Variants in RNF175 observed in about 807,000 individuals in gnomAD.
RNF175 encodes the protein ring finger protein 175.
In RNF175, 38 loss-of-function variants were observed where a neutral mutation model predicts 50.0. The ratio of observed to expected loss-of-function variants is 0.76; its 90% CI spans 0.59 to 1.00. RNF175 has a LOEUF of 1.00. Ranked by LOEUF, RNF175 falls within the 50% of genes least tolerant of loss-of-function variation. The probability of loss-of-function intolerance (pLI) is 0.00; values close to 1 mark genes in which losing one functional copy is unlikely to be tolerated. For missense variants in RNF175, 388 were observed against 409.6 expected (o/e 0.95, Z 0.46); for synonymous variants, 155 against 146.1 (o/e 1.06, Z -0.44).
At chr4:153,714,608 A>G (rs1210859016) in intron 7 of RNF175, 1 of 152,246 alleles carries the variant, frequency 6.6e-6, no homozygotes, top group Non-Finnish European at 1.5e-5. Flanking sequence ...TAAAATAAAG[A>G]TAAATGATAC....
In RNF175 at chr4:153,715,677, G is replaced by A; in HGVS notation, c.631-15C>T. 1 of 1,611,558 alleles carries A rather than the reference G, an allele frequency of 6.2e-7. No homozygotes were observed. Among genetic ancestry groups the A allele is most frequent in the Non-Finnish European group, 8.5e-7 (1 of 1,178,538 alleles). On this transcript the variant is annotated splice_polypyrimidine_tract_variant and intron_variant, in intron 6 of 8. Coordinates refer to ENST00000347063, the MANE Select transcript of RNF175 (RefSeq NM_173662.4). ...ACACTGTAGAACTATCAGAGGAAAT[G>A]GACAGAGCACAGTCAGAAAGGAGAG... is the stretch of plus-strand genomic sequence containing the variant.
chr4:153,720,091 C>A, intron 6 of RNF175, 93 bp downstream of exon 6: 2 of 1,359,670 alleles, frequency 1.5e-6, no homozygotes, highest in Non-Finnish European at 2.1e-6. Flanking sequence ...TGGAGAAAGA[C>A]TTATTTGTTT....
chr4:153,754,420 C>T (rs1740462763), intron 1 of RNF175, among the ~76,000 whole-genome samples: 1 of 152,092 alleles, frequency 6.6e-6, no homozygotes, highest in African/African-American at 2.4e-5. Flanking sequence ...CTTGGAACTG[C>T]TTGGAAATCC....
chr4:153,727,945 T>C (rs1738800564), intron 4 of RNF175, among the ~76,000 whole-genome samples: 2 of 152,218 alleles, frequency 1.3e-5, no homozygotes, highest in South Asian at 4.1e-4. Flanking sequence ...TTTTAAACAA[T>C]AGTTTCACTT....
intron 3 of RNF175, among the ~76,000 whole-genome samples, chr4:153,741,889 TAAAA>T (rs988473313): frequency 6.6e-6 from 1 of 152,160 alleles, no homozygotes; most frequent in African/African-American, 2.4e-5. Context: ...TTTTTGCTAT[TAAAA>T]GTAATGGGAA....
rs545711638 is a variant in RNF175 at position 153,741,310 on chromosome 4, C to T, written c.246+7335G>A. ...TATGGAGAACATTCTGGATCTGCTTCAGAGTGGTCACTTTTCCCCTCCCCT... is the reference window on the plus strand; with the variant it reads ...TATGGAGAACATTCTGGATCTGCTTTAGAGTGGTCACTTTTCCCCTCCCCT... On this transcript the variant is annotated intron_variant, in intron 3 of 8. Transcript: ENST00000347063. Among the ~76,000 whole-genome samples, 36 of 152,312 alleles carry T rather than the reference C, an allele frequency of 2.4e-4. No homozygotes were observed. The East Asian group carries it at 7.0e-3, about 29-fold the overall frequency.
At chr4:153,756,330 ACTCT>A (rs955608562) in intron 1 of RNF175, among the ~76,000 whole-genome samples, 21 of 151,606 alleles carry the variant, frequency 1.4e-4, no homozygotes, top group Non-Finnish European at 2.7e-4. Flanking sequence ...CCCACTTGGG[ACTCT>A]CTCTCTCAGA....
Position 153,712,587 on chromosome 4 carries a change from TTG to T in RNF175, c.765-13_765-12del. 1 of 1,570,312 alleles carries T rather than the reference TTG, an allele frequency of 6.4e-7. No individual in the cohort carries two copies. The highest frequency in any genetic ancestry group is 8.8e-7 in the Non-Finnish European group (1 of 1,141,432). On this transcript the variant is annotated splice_polypyrimidine_tract_variant and intron_variant, in intron 7 of 8. Transcript: ENST00000347063. ...CAGAATTCATGAAAGCTGAAGCATC[TTG>T]TTAGGGAGGCTTCTAGATATGAAAA...
intron 6 of RNF175, among the ~76,000 whole-genome samples, chr4:153,716,063 C>CAAAAAAAAAAAAAA (rs35531787): frequency 1.1e-5 from 1 of 94,190 alleles, no homozygotes; most frequent in African/African-American, 4.9e-5. Flanking sequence ...GACTCTGTCT[C>CAAAAAAAAAAAAAA]AAAAAAAAAA....
intron 1 of RNF175, among the ~76,000 whole-genome samples, chr4:153,752,462 T>C (rs576952079): frequency 5.3e-4 from 80 of 152,344 alleles, no homozygotes; most frequent in African/African-American, 1.7e-3. Context: ...CACCCACTTC[T>C]TTCCTGGCAT....
chr4:153,753,551 TC>T (rs1740401722), intron 1 of RNF175, among the ~76,000 whole-genome samples: 1 of 143,628 alleles, frequency 7.0e-6, no homozygotes, highest in Non-Finnish European at 1.5e-5. Context: ...TTTCTCTCTC[TC>T]TCTCTCTCTT....
At position 153,748,777 on chromosome 4, in the gene RNF175, C is replaced by T; in HGVS notation, c.114G>A (p.Gln38=). Reference sequence around the variant, plus strand: ...CCCGGTGCATCTTGTACATCCTCTCCTGCTGCAGGCTGGAACCAGCAAAAT... The same window carrying T: ...CCCGGTGCATCTTGTACATCCTCTCTTGCTGCAGGCTGGAACCAGCAAAAT... The part of the protein sequence containing the change: ...LSAEDTWNLQ[Q]ERMYKMHRGH... The change falls in exon 3 of 9, where the codon CAG becomes CAA. Residue 38 remains glutamine (Q), a synonymous_variant. Coordinates refer to ENST00000347063, the MANE Select transcript of RNF175 (RefSeq NM_173662.4). The T allele has an allele frequency of 6.2e-7, 1 of 1,611,942 alleles. No homozygotes were observed. Among genetic ancestry groups the T allele is most frequent in the South Asian group, 1.1e-5 (1 of 90,514 alleles).
intron 1 of RNF175, among the ~76,000 whole-genome samples, chr4:153,755,579 A>G (rs1258221565): frequency 6.6e-6 from 1 of 151,962 alleles, no homozygotes. Context: ...GAATTTAAAA[A>G]AAAAACCTCA....
chr4:153,738,582 T>C (rs190346983), intron 3 of RNF175, among the ~76,000 whole-genome samples: 71 of 152,340 alleles, frequency 4.7e-4, no homozygotes, highest in Admixed American at 7.8e-4. Flanking sequence ...TTAGTGTTAG[T>C]ATGGAATATC....
intron 3 of RNF175, 56 bp from the exon 4 acceptor site, chr4:153,728,417 C>T: frequency 2.1e-6 from 3 of 1,452,478 alleles, no homozygotes; most frequent in Middle Eastern, 1.7e-4. Context: ...TGAATGGCAT[C>T]TCCACTATTA....
At chr4:153,745,281 C>T (rs1351310572) in intron 3 of RNF175, among the ~76,000 whole-genome samples, 3 of 152,202 alleles carry the variant, frequency 2.0e-5, no homozygotes, top group Non-Finnish European at 2.9e-5. Context: ...CCTATTGAAT[C>T]GGAAACTCTA....
At chr4:153,721,484 T>G (rs1328043513) in intron 5 of RNF175, 1 of 152,212 alleles carries the variant, frequency 6.6e-6, no homozygotes, top group African/African-American at 2.4e-5. Flanking sequence ...GCTTCATCCT[T>G]TCAAGATTTG....
chr4:153,715,464 G>A, intron 7 of RNF175, 65 bp downstream of exon 7: 1 of 1,469,928 alleles, frequency 6.8e-7, no homozygotes, highest in Non-Finnish European at 9.3e-7. Context: ...ACAGGAGGAG[G>A]AGGAGGAGAA....
chr4:153,724,242 A>G (rs761803130), intron 4 of RNF175, among the ~76,000 whole-genome samples: 10 of 152,166 alleles, frequency 6.6e-5, no homozygotes, highest in African/African-American at 1.7e-4. Context: ...GAAAAAAACT[A>G]CAAGAAGGAC....
Sources: allele counts gnomAD v4.1 joint callset (sites outside exome capture counted in the v4.1 genomes callset), GRCh38; gene constraint gnomAD v4.1.1; transcripts MANE v1.5; gene names NCBI Gene and HGNC (gene_info 2026-07-23, HGNC 2026-07-21).